The following CWC22 variants were observed in gnomAD, a reference collection of about 807,000 sequenced individuals.
CWC22 encodes pre-mRNA-splicing factor CWC22 homolog.
CWC22 carries 53 observed loss-of-function variants against 117.2 expected under a neutral mutation model. The ratio of observed to expected loss-of-function variants is 0.45; its 90% CI spans 0.36 to 0.57. The LOEUF (loss-of-function observed/expected upper bound fraction) is 0.57, where lower values mean the gene tolerates loss of function less well. Among genes scored for constraint, CWC22 ranks in the 20% least tolerant of loss-of-function variants. CWC22 has a pLI of 0.00. For missense variants in CWC22, 980 were observed against 1,068.8 expected (o/e 0.92, Z 1.16); for synonymous variants, 360 against 355.6 (o/e 1.01, Z -0.14).
In CWC22 at chr2:179,978,266, G is replaced by A. The variant is rs1183859979; in HGVS notation, c.505C>T (p.Leu169Phe). The A allele has an allele frequency of 1.3e-6, 2 of 1,565,832 alleles. No homozygotes were observed. The highest frequency in any genetic ancestry group is 1.2e-5 in the South Asian group (1 of 81,772). Residue 169 changes from leucine (L) to phenylalanine (F), a missense_variant, in exon 6 of 20, where the codon CTT becomes TTT. Around this residue, in one of 3 missense-constraint regions of CWC22, gnomAD observed 559 missense variants for 602.3 expected, o/e 0.93. Transcript: ENST00000410053. The stretch of plus-strand genomic sequence containing the variant: ...TTGGAAATGTTGACTTTGTTGATAA[G>A]GCCATTAATTGACTTCTTCAGGGCC... Reference protein sequence around the residue: ...WEALKKSINGLINKVNISNIS... With the variant: ...WEALKKSINGFINKVNISNIS...
Position 179,993,376 on chromosome 2 carries a change from G to A in CWC22, c.-35C>T, listed in dbSNP as rs753776324. ...CCAGTTGGTCCAATAAATCAAAGAT[G>A]CTTCAAACTGGTCCAAATAACAAGT... On this transcript the variant is annotated 5_prime_UTR_variant, in exon 2 of 20. Transcript: ENST00000410053. 6.6e-7 allele frequency: 1 copy of A among 1,513,810 alleles called. No homozygotes were observed. Among genetic ancestry groups the A allele is most frequent in the Non-Finnish European group, 9.0e-7 (1 of 1,109,864 alleles). The allele number at this position is 1,513,810 out of a possible 1,614,324, so 93.8% of individuals were successfully genotyped here.
intron 19 of CWC22, among the ~76,000 whole-genome samples, chr2:179,946,389 T>C (rs542396431): frequency 7.6e-6 from 1 of 131,112 alleles, no homozygotes; most frequent in African/African-American, 2.9e-5. Flanking sequence ...AGGCAGAGGT[T>C]GCAGTACGCC....
rs186495026 is a variant in CWC22 at position 179,971,193 on chromosome 2, G to A, written c.805-117C>T. The A allele has an allele frequency of 9.7e-5, 65 of 668,750 alleles. No individual in the cohort carries two copies. The Middle Eastern group carries it at 1.3e-3, about 14-fold the overall frequency. The allele number at this position is 668,750 out of a possible 1,614,324, so 41.4% of individuals were successfully genotyped here. ...ACAATAATTATATTGCACATATGAT[G>A]GGCAAAGTTTTATAAAGCACATGGA... is the stretch of plus-strand genomic sequence containing the variant. On this transcript the variant is annotated intron_variant, in intron 8 of 19. Transcript: ENST00000410053.
At chr2:180,002,699 G>A (rs1687875302) in intron 1 of CWC22, among the ~76,000 whole-genome samples, 1 of 152,122 alleles carries the variant, frequency 6.6e-6, no homozygotes, top group East Asian at 1.9e-4. Flanking sequence ...AGAGGGTTTG[G>A]GACATACAGA....
In CWC22 at chr2:180,007,296, T is replaced by C. The variant is rs557525713; in HGVS notation, c.-543A>G. 3.3e-5 allele frequency among the ~76,000 whole-genome samples: 5 copies of C among 152,312 alleles called. No individual in the cohort carries two copies. Among genetic ancestry groups the C allele is most frequent in the East Asian group, 1.9e-4 (1 of 5,182 alleles). On this transcript the variant is annotated 5_prime_UTR_variant, in exon 1 of 20. Transcript: ENST00000410053. ...CCAAAATGGCGACAAAAAAGAGAAGTTGGCATGAACTACAAAGTCCGAAAT... is the reference window on the plus strand; with the variant it reads ...CCAAAATGGCGACAAAAAAGAGAAGCTGGCATGAACTACAAAGTCCGAAAT...
At chr2:179,961,913 G>A (rs556494339) in intron 13 of CWC22, among the ~76,000 whole-genome samples, 19 of 151,946 alleles carry the variant, frequency 1.3e-4, no homozygotes, top group African/African-American at 3.6e-4. Context: ...TTGAGGAGAG[G>A]GTAAAGAAAA....
chr2:180,003,874 ATTAACT>A (rs970422308), intron 1 of CWC22, among the ~76,000 whole-genome samples: 3 of 152,228 alleles, frequency 2.0e-5, no homozygotes, highest in African/African-American at 7.2e-5. Flanking sequence ...GGAAAGACTT[ATTAACT>A]TTATTATATA....
intron 6 of CWC22, among the ~76,000 whole-genome samples, chr2:179,976,893 G>A (rs1422625240): frequency 2.0e-5 from 3 of 152,124 alleles, no homozygotes; most frequent in African/African-American, 4.8e-5. Flanking sequence ...GGTGGCTCAC[G>A]CCTGTCATAC....
chr2:179,958,573 T>C (rs1224117567), intron 14 of CWC22, among the ~76,000 whole-genome samples: 1 of 152,082 alleles, frequency 6.6e-6, no homozygotes. Context: ...TTTTGTTTTT[T>C]TAGCTCATCA....
chr2:180,001,508 T>C (rs537392973), intron 1 of CWC22, among the ~76,000 whole-genome samples: 1 of 152,200 alleles, frequency 6.6e-6, no homozygotes, highest in East Asian at 1.9e-4. Context: ...TTGTGTATTT[T>C]TAGTAGAGAT....
chr2:180,001,787 C>T (rs1390891456), intron 1 of CWC22, among the ~76,000 whole-genome samples: 1 of 152,220 alleles, frequency 6.6e-6, no homozygotes, highest in Non-Finnish European at 1.5e-5. Flanking sequence ...TAGCATTTGG[C>T]ACCTAATCCC....
intron 4 of CWC22, among the ~76,000 whole-genome samples, chr2:179,986,461 C>A (rs1038728129): frequency 6.6e-6 from 1 of 152,236 alleles, no homozygotes. Context: ...GAACAAATTA[C>A]TAAACTTCTC....
intron 5 of CWC22, among the ~76,000 whole-genome samples, chr2:179,981,232 A>G (rs1687277042): frequency 2.0e-5 from 3 of 152,212 alleles, no homozygotes; most frequent in Admixed American, 2.0e-4. Context: ...AGCCATGCTT[A>G]TAATTTTCTA....
At chr2:179,977,517 A>AG (rs1166013271) in intron 6 of CWC22, among the ~76,000 whole-genome samples, 1 of 152,188 alleles carries the variant, frequency 6.6e-6, no homozygotes, top group Non-Finnish European at 1.5e-5. Flanking sequence ...TCTAAAAAAA[A>AG]CTGAACTCAT....
At chr2:179,946,462 A>T (rs1686302377) in intron 19 of CWC22, among the ~76,000 whole-genome samples, 1 of 121,448 alleles carries the variant, frequency 8.2e-6, no homozygotes, top group Non-Finnish European at 1.7e-5. Context: ...AAAAAAAAAA[A>T]AAGGGGGGGG....
chr2:179,962,432 T>C (rs759546465), intron 13 of CWC22, among the ~76,000 whole-genome samples: 3 of 152,162 alleles, frequency 2.0e-5, no homozygotes, highest in Non-Finnish European at 4.4e-5. Flanking sequence ...ACTGTTGATA[T>C]GTTAACATAT....
chr2:179,955,093 A>T, intron 14 of CWC22, 59 bp from the exon 15 acceptor site: 1 of 1,226,776 alleles, frequency 8.2e-7, no homozygotes, highest in Non-Finnish European at 1.2e-6. Flanking sequence ...AATATTGTAT[A>T]ATTTACCAGT....
chr2:179,961,663 G>T (rs1232729920), intron 13 of CWC22, among the ~76,000 whole-genome samples: 2 of 151,878 alleles, frequency 1.3e-5, no homozygotes, highest in East Asian at 3.8e-4. Flanking sequence ...AGTTGATGAA[G>T]AAATGTTACT....
Position 179,945,034 on chromosome 2 carries a change from C to A in CWC22, c.*95G>T. The A allele has an allele frequency of 1.2e-6, 1 of 829,740 alleles. No homozygotes were observed. 51.4% of individuals were successfully genotyped at this position (829,740 alleles called of 1,614,324 possible). On this transcript the variant is annotated 3_prime_UTR_variant, in exon 20 of 20. Coordinates refer to ENST00000410053, the MANE Select transcript of CWC22 (RefSeq NM_020943.3). Reference sequence around the variant, plus strand: ...TTAAATTTACAAATACAAACCAATACTTTATACAAGAATTCTCTATAAAGT... The same window carrying A: ...TTAAATTTACAAATACAAACCAATAATTTATACAAGAATTCTCTATAAAGT...
Sources: gnomAD v4.1 joint callset for allele counts (sites outside exome capture counted in the v4.1 genomes callset) on GRCh38, gnomAD v4.1.1 for gene constraint, gnomAD v4.1.1 regional missense constraint, MANE v1.5 for transcripts, NCBI Gene and HGNC (gene_info 2026-07-23, HGNC 2026-07-21) for gene names.